The following ADAMTSL3 variants were observed in gnomAD, a reference collection of about 807,000 sequenced individuals.
ADAMTSL3 encodes the protein ADAMTS like 3.
Under a neutral mutation model 201.7 loss-of-function variants are expected in ADAMTSL3, and 128 were observed. The ratio of observed to expected loss-of-function variants is 0.63; its 90% confidence interval spans 0.55 to 0.73. ADAMTSL3 has a LOEUF of 0.73. ADAMTSL3 is among the 30% of genes least tolerant of loss of function. The probability of loss-of-function intolerance (pLI) is 0.00; values close to 1 mark genes in which losing one functional copy is unlikely to be tolerated. For synonymous variants in ADAMTSL3, 738 were observed against 748.4 expected (o/e 0.99, Z 0.23); for missense variants, 1,990 against 2,119.6 (o/e 0.94, Z 1.20).
rs1369310498 is a variant in ADAMTSL3 at position 84,036,888 on chromosome 15, T to C, written c.4870T>C (p.Cys1624Arg). 1.2e-6 allele frequency: 2 copies of C among 1,614,160 alleles called. No homozygotes were observed. The highest frequency in any genetic ancestry group is 2.2e-5 in the South Asian group (2 of 91,084). ...GRGFQSRKVD[C>R]IHTRSCKPVA... ...GGGTTTCCAGTCTCGGAAAGTCGACTGTATCCACACAAGGAGTTGCAAACC... is the reference window on the plus strand; with the variant it reads ...GGGTTTCCAGTCTCGGAAAGTCGACCGTATCCACACAAGGAGTTGCAAACC... The change falls in exon 29 of 30, where the codon TGT becomes CGT. Residue 1624 changes from cysteine (C) to arginine (R), a missense_variant. Cys to Arg is a radical substitution (Grantham distance 180). Transcript: ENST00000286744.
At chr15:83,704,360 A>C in intron 2 of ADAMTSL3, 29 bp from the exon 3 acceptor site, 1 of 1,614,034 alleles carries the variant, frequency 6.2e-7, no homozygotes, top group Non-Finnish European at 8.5e-7. Flanking sequence ...CTGGAGCCTT[A>C]TTTGTGACCA....
chr15:83,852,790 G>C (rs1263375587), intron 7 of ADAMTSL3, among the ~76,000 whole-genome samples: 1 of 151,804 alleles, frequency 6.6e-6, no homozygotes, highest in Admixed American at 6.6e-5. Flanking sequence ...ATTTTCCTTC[G>C]ATTTTCTCAA....
intron 29 of ADAMTSL3, among the ~76,000 whole-genome samples, 177 bp downstream of exon 29, chr15:84,037,164 G>A (rs182796044): frequency 5.5e-4 from 83 of 152,198 alleles, no homozygotes; most frequent in Non-Finnish European, 5.1e-4. Context: ...CCTTTATGTG[G>A]GTGCAGCTGC....
intron 13 of ADAMTSL3, among the ~76,000 whole-genome samples, chr15:83,895,769 A>G: frequency 1.0e-5 from 1 of 98,302 alleles, no homozygotes; most frequent in Non-Finnish European, 2.0e-5. Context: ...ACAGCCACTC[A>G]ATATTATATA....
rs1468719677 is a variant in ADAMTSL3 at position 84,038,137 on chromosome 15, T to C, written c.*331T>C. On this transcript the variant is annotated 3_prime_UTR_variant, in exon 30 of 30. Transcript: ENST00000286744. ...CACGTGCTGCCTCTTTCCTGTGATA[T>C]GTAGACTAGCACAGAGTGGTACATC... The C allele has an allele frequency of 7.5e-6, 2 of 267,664 alleles. No homozygotes were observed. Among genetic ancestry groups the C allele is most frequent in the Admixed American group, 9.8e-5 (2 of 20,512 alleles). 16.6% of individuals were successfully genotyped at this position (267,664 alleles called of 1,614,324 possible). A position where few individuals can be genotyped will look rare whatever the true frequency, so the allele number is the denominator to read the frequency against.
At position 83,970,379 on chromosome 15, in the gene ADAMTSL3, C is replaced by T. The variant is rs144690864; in HGVS notation, c.2491-105C>T. The T allele has an allele frequency of 2.4e-5, 32 of 1,336,058 alleles. No homozygotes were observed. In the East Asian group the frequency reaches 3.2e-4, roughly 13 times the overall value. The allele number at this position is 1,336,058 out of a possible 1,614,324, so 82.8% of individuals were successfully genotyped here. A position where few individuals can be genotyped will look rare whatever the true frequency, so the allele number is the denominator to read the frequency against. ...GAAATGGCTTTCTTCTTGGCACATCCGTACTGAAAATTTCCTCTTGTTTCA... is the reference window on the plus strand; with the variant it reads ...GAAATGGCTTTCTTCTTGGCACATCTGTACTGAAAATTTCCTCTTGTTTCA... On this transcript the variant is annotated intron_variant, in intron 19 of 29. Transcript: ENST00000286744.
chr15:83,723,313 G>A (rs2062127418), intron 3 of ADAMTSL3, among the ~76,000 whole-genome samples: 1 of 152,142 alleles, frequency 6.6e-6, no homozygotes, highest in East Asian at 1.9e-4. Flanking sequence ...GCTAGTGATG[G>A]TGATGGGCAG....
chr15:84,004,156 T>C lies in ADAMTSL3; in HGVS notation c.3974-10386T>C, dbSNP rs377278251. 2.2e-4 allele frequency among the ~76,000 whole-genome samples: 33 copies of C among 152,350 alleles called. 3 individuals carry two copies. Among genetic ancestry groups the C allele is most frequent in the Admixed American group, 1.8e-3 (27 of 15,302 alleles). On this transcript the variant is annotated intron_variant, in intron 23 of 29. Transcript: ENST00000286744. ...TTCATTCATTTATTTCCCCTAGTTA[T>C]TAATTCAATACCCAGTTATTCATTT...
intron 27 of ADAMTSL3, among the ~76,000 whole-genome samples, chr15:84,027,696 C>T (rs2068335829): frequency 2.6e-5 from 4 of 151,498 alleles, no homozygotes; most frequent in Admixed American, 1.3e-4. Flanking sequence ...GGCGACAGAG[C>T]GAGACTCTGT....
At chr15:83,903,049 A>G (rs779560508) in intron 15 of ADAMTSL3, among the ~76,000 whole-genome samples, 2 of 152,078 alleles carry the variant, frequency 1.3e-5, no homozygotes, top group African/African-American at 4.8e-5. Context: ...CATTTCATTC[A>G]TAATTATGTA....
chr15:83,845,071 C>T (rs1827670882), intron 7 of ADAMTSL3, among the ~76,000 whole-genome samples: 1 of 152,222 alleles, frequency 6.6e-6, no homozygotes, highest in African/African-American at 2.4e-5. Context: ...CATCCCTGAA[C>T]CTGGACCATG....
At chr15:83,847,844 A>T (rs1359591760) in intron 7 of ADAMTSL3, among the ~76,000 whole-genome samples, 2 of 151,766 alleles carry the variant, frequency 1.3e-5, no homozygotes, top group Non-Finnish European at 2.9e-5. Flanking sequence ...TGGGTGTGTG[A>T]GGGAATTAAC....
chr15:83,939,682 C>T (rs1164502578), intron 17 of ADAMTSL3, among the ~76,000 whole-genome samples: 1 of 151,118 alleles, frequency 6.6e-6, no homozygotes, highest in African/African-American at 2.4e-5. Flanking sequence ...AGTGCAGTGG[C>T]CTGATCTCAG....
chr15:83,815,296 A>G (rs1596257015), intron 5 of ADAMTSL3, among the ~76,000 whole-genome samples: 1 of 152,178 alleles, frequency 6.6e-6, no homozygotes, highest in East Asian at 1.9e-4. Context: ...TTGCATTCCT[A>G]CTTAAAGTCT....
At chr15:83,882,841 T>C (rs1013937382) in intron 9 of ADAMTSL3, among the ~76,000 whole-genome samples, 1 of 152,154 alleles carries the variant, frequency 6.6e-6, no homozygotes, top group Non-Finnish European at 1.5e-5. Flanking sequence ...GTGATAACTT[T>C]TAGGATTTTT....
intron 16 of ADAMTSL3, among the ~76,000 whole-genome samples, chr15:83,921,933 A>C (rs1038657352): frequency 1.3e-5 from 2 of 151,980 alleles, no homozygotes; most frequent in African/African-American, 4.8e-5. Context: ...AAAAAAAGGC[A>C]CTTTCATGAT....
At position 83,965,610 on chromosome 15, in the gene ADAMTSL3, C is replaced by T. The variant is rs538039776; in HGVS notation, c.2491-4874C>T. Among the ~76,000 whole-genome samples the T allele has an allele frequency of 2.6e-5, 4 of 152,246 alleles. No homozygotes were observed. In the East Asian group the frequency reaches 5.8e-4, roughly 22 times the overall value. On this transcript the variant is annotated intron_variant, in intron 19 of 29. Transcript: ENST00000286744. ...GGAGACTTTAACACCCTACTGTCAA[C>T]ATTAGACAGATCAACAGACAGAAAA...
chr15:84,029,840 A>C (rs942398424), intron 27 of ADAMTSL3, among the ~76,000 whole-genome samples: 12 of 152,228 alleles, frequency 7.9e-5, no homozygotes, highest in Non-Finnish European at 1.6e-4. Context: ...TGCTTTGTGC[A>C]GTCCGAGCAC....
intron 4 of ADAMTSL3, among the ~76,000 whole-genome samples, chr15:83,787,645 A>G (rs2063285863): frequency 6.6e-6 from 1 of 152,134 alleles, no homozygotes; most frequent in African/African-American, 2.4e-5. Flanking sequence ...AGGGGCAACT[A>G]CTGTTAACAA....
Sources: allele counts gnomAD v4.1 joint callset (sites outside exome capture counted in the v4.1 genomes callset), GRCh38; gene constraint gnomAD v4.1.1; transcripts MANE v1.5; gene names NCBI Gene and HGNC (gene_info 2026-07-23, HGNC 2026-07-21).